Variants in MALRD1 observed in about 807,000 individuals in gnomAD.
MALRD1 encodes the protein MAM and LDL-receptor class A domain-containing protein 1.
Under a neutral mutation model 242.1 loss-of-function variants are expected in MALRD1, and 247 were observed. The observed-to-expected ratio is 1.02, with a 90% confidence interval of 0.92 to 1.13. MALRD1 has a LOEUF of 1.13. Ranked by LOEUF, MALRD1 falls within the 50% of genes most tolerant of loss-of-function variation. The probability of loss-of-function intolerance (pLI) is 0.00; values close to 1 mark genes in which losing one functional copy is unlikely to be tolerated. For missense variants in MALRD1, 2,989 were observed against 2,533.1 expected (o/e 1.18, Z -3.86); for synonymous variants, 995 against 866.6 (o/e 1.15, Z -2.60).
chr10:19,580,809 C>T (rs1351266516), intron 33 of MALRD1, among the ~76,000 whole-genome samples: 3 of 152,134 alleles, frequency 2.0e-5, no homozygotes, highest in African/African-American at 7.2e-5. Context: ...TTTCTTCACT[C>T]TTGTCTCTCT....
chr10:19,313,793 A>T (rs916200500), intron 21 of MALRD1, among the ~76,000 whole-genome samples: 10 of 151,620 alleles, frequency 6.6e-5, no homozygotes, highest in African/African-American at 1.9e-4. Context: ...GTTATTCTCC[A>T]GTGAATGTCA....
chr10:19,591,244 T>G (rs1290441281), intron 33 of MALRD1, among the ~76,000 whole-genome samples: 2 of 152,208 alleles, frequency 1.3e-5, no homozygotes, highest in African/African-American at 4.8e-5. Context: ...AAGAGAACAA[T>G]GAATGTTGTT....
intron 10 of MALRD1, among the ~76,000 whole-genome samples, chr10:19,141,718 T>A (rs11008639): frequency 0.35 from 52,742 of 151,800 alleles, 9,587 homozygotes; most frequent in Non-Finnish European, 0.4. Flanking sequence ...AGGGGTTTTT[T>A]AAATTATAGG....
intron 29 of MALRD1, among the ~76,000 whole-genome samples, chr10:19,479,896 T>A (rs1836911807): frequency 6.6e-6 from 1 of 152,180 alleles, no homozygotes; most frequent in Admixed American, 6.5e-5. Flanking sequence ...GAAGTCTGTA[T>A]GGACTCACCT....
intron 28 of MALRD1, among the ~76,000 whole-genome samples, chr10:19,415,949 G>A (rs1390457604): frequency 6.6e-6 from 1 of 152,154 alleles, no homozygotes; most frequent in Non-Finnish European, 1.5e-5. Flanking sequence ...TTTACTTAAT[G>A]AAGTGGGCTT....
At chr10:19,275,635 C>T (rs189739218) in intron 19 of MALRD1, among the ~76,000 whole-genome samples, 4,626 of 152,012 alleles carry the variant, frequency 0.03, 84 homozygotes, top group Middle Eastern at 0.075. Context: ...CGACACTGCA[C>T]TCCAGCCTGG....
At chr10:19,715,274 A>C (rs1029330238) in intron 38 of MALRD1, among the ~76,000 whole-genome samples, 1 of 151,828 alleles carries the variant, frequency 6.6e-6, no homozygotes, top group Non-Finnish European at 1.5e-5. Context: ...ATCAAGACTT[A>C]CCATATAAGA....
intron 31 of MALRD1, among the ~76,000 whole-genome samples, chr10:19,513,296 A>G (rs1276474185): frequency 2.6e-5 from 4 of 151,900 alleles, no homozygotes; most frequent in Non-Finnish European, 4.4e-5. Flanking sequence ...TTCCTTTCTC[A>G]CTACGTGATC....
intron 36 of MALRD1, among the ~76,000 whole-genome samples, chr10:19,625,136 A>G (rs1482474871): frequency 3.9e-5 from 6 of 152,134 alleles, no homozygotes; most frequent in Non-Finnish European, 8.8e-5. Flanking sequence ...AAACAGAGCT[A>G]GAGTCCAGAT....
intron 32 of MALRD1, among the ~76,000 whole-genome samples, chr10:19,556,581 T>G (rs1162596947): frequency 5.3e-5 from 8 of 152,176 alleles, no homozygotes; most frequent in Non-Finnish European, 1.0e-4. Flanking sequence ...TCTCTGTCTT[T>G]TCATGGCTTG....
rs148578350 is a variant in MALRD1 at position 19,301,578 on chromosome 10, T to C, written c.3419+18397T>C. ...CCCTTTGCAGTGACAGGGTTGAAGCTGGAGGTCATCATCTTAAGGAAATTA... is the reference window on the plus strand; with the variant it reads ...CCCTTTGCAGTGACAGGGTTGAAGCCGGAGGTCATCATCTTAAGGAAATTA... On this transcript the variant is annotated intron_variant, in intron 21 of 39. Coordinates refer to ENST00000454679, the MANE Select transcript of MALRD1 (RefSeq NM_001142308.3). Among the ~76,000 whole-genome samples the C allele has an allele frequency of 5.1e-3, 775 of 151,920 alleles. 11 individuals are homozygous for C. Among genetic ancestry groups the C allele is most frequent in the South Asian group, 0.046 (224 of 4,818 alleles).
intron 21 of MALRD1, among the ~76,000 whole-genome samples, chr10:19,306,093 A>G (rs182289392): frequency 1.2e-3 from 139 of 116,148 alleles, no homozygotes; most frequent in African/African-American, 4.5e-3. Context: ...TATATATACT[A>G]TATACTAGAT....
chr10:19,550,813 T>C (rs1460745089), intron 32 of MALRD1, among the ~76,000 whole-genome samples: 2 of 152,196 alleles, frequency 1.3e-5, no homozygotes, highest in Non-Finnish European at 2.9e-5. Flanking sequence ...TACATACCTA[T>C]GTGTATGTCT....
At chr10:19,194,130 G>T (rs10827040) in intron 14 of MALRD1, among the ~76,000 whole-genome samples, 25,384 of 151,878 alleles carry the variant, frequency 0.17, 2,304 homozygotes, top group Non-Finnish European at 0.2. Context: ...ATAGTAGTGG[G>T]TACTGTTATT....
At chr10:19,634,917 A>G (rs114559444) in intron 36 of MALRD1, among the ~76,000 whole-genome samples, 1,812 of 152,318 alleles carry the variant, frequency 0.012, 28 homozygotes, top group East Asian at 0.059. Context: ...GAGGTTCACC[A>G]GATGAAACTG....
intron 21 of MALRD1, among the ~76,000 whole-genome samples, chr10:19,296,997 C>T (rs1841733480): frequency 6.6e-6 from 1 of 151,458 alleles, no homozygotes; most frequent in Non-Finnish European, 1.5e-5. Flanking sequence ...GTTAGTAAGT[C>T]TGTGAAATTT....
chr10:19,232,293 A>C (rs189371327), intron 18 of MALRD1, among the ~76,000 whole-genome samples: 35 of 151,370 alleles, frequency 2.3e-4, no homozygotes, highest in African/African-American at 8.2e-4. Flanking sequence ...CAGTCTCCCA[A>C]GTAGCTGGGA....
At chr10:19,697,558 A>G (rs543664042) in intron 38 of MALRD1, among the ~76,000 whole-genome samples, 3 of 152,288 alleles carry the variant, frequency 2.0e-5, no homozygotes, top group East Asian at 1.9e-4. Flanking sequence ...CTTTCATAAT[A>G]TAGAAGCAAG....
intron 36 of MALRD1, among the ~76,000 whole-genome samples, chr10:19,646,870 A>G (rs1031428647): frequency 6.6e-6 from 1 of 152,178 alleles, no homozygotes; most frequent in Non-Finnish European, 1.5e-5. Flanking sequence ...AAGGCATTGC[A>G]TTGTAGTTTA....
Sources: allele counts gnomAD v4.1 joint callset (sites outside exome capture counted in the v4.1 genomes callset), GRCh38; gene constraint gnomAD v4.1.1; transcripts MANE v1.5; gene names NCBI Gene and HGNC (gene_info 2026-07-23, HGNC 2026-07-21).